Variants in TMEM120B observed in about 807,000 individuals in gnomAD.
TMEM120B encodes transmembrane protein 120B.
TMEM120B carries 31 observed loss-of-function variants against 55.5 expected under a neutral mutation model. That is an observed-to-expected ratio of 0.56 (90% CI 0.42 to 0.75). The LOEUF (loss-of-function observed/expected upper bound fraction) is 0.75. TMEM120B is among the 30% of genes least tolerant of loss of function. TMEM120B has a pLI of 0.00. For synonymous variants in TMEM120B, 203 were observed against 176.3 expected, an observed-to-expected ratio of 1.15 and a Z score of -1.20; for missense variants, 399 against 425.5, an observed-to-expected ratio of 0.94 and a Z score of 0.55.
intron 5 of TMEM120B, 80 bp downstream of exon 5, chr12:121,752,303 C>A: frequency 8.3e-7 from 1 of 1,209,120 alleles, no homozygotes; most frequent in South Asian, 1.3e-5. Flanking sequence ...TCCAGGGGAC[C>A]CGGAGCCTCT....
intron 1 of TMEM120B, among the ~76,000 whole-genome samples, chr12:121,741,898 C>CCT (rs1343069860): frequency 3.9e-5 from 6 of 152,066 alleles, no homozygotes; most frequent in African/African-American, 1.4e-4. Flanking sequence ...CTTTCATCTT[C>CCT]CTAGTGGGTG....
At chr12:121,736,959 A>T (rs960178828) in intron 1 of TMEM120B, among the ~76,000 whole-genome samples, 1 of 152,126 alleles carries the variant, frequency 6.6e-6, no homozygotes, top group East Asian at 1.9e-4. Context: ...TAAAGCTTCT[A>T]TATAGCATGG....
chr12:121,772,089 CTCTCTCTCTCTTTCTCTCTT>C (rs1874078686), intron 8 of TMEM120B, among the ~76,000 whole-genome samples: 1 of 91,336 alleles, frequency 1.1e-5, no homozygotes, highest in African/African-American at 5.2e-5. Flanking sequence ...TTCTCTTTCT[CTCTCTCTCTCTTTCTCTCTT>C]TCTCTCTCTC....
Position 121,779,558 on chromosome 12 carries a change from A to G in TMEM120B, c.*3836A>G. On this transcript the variant is annotated 3_prime_UTR_variant, in exon 12 of 12. Transcript: ENST00000449592. ...GTTGCGCCTTCTTCAGAGCGCTGAG[A>G]GCCACCTTGGCGGCCTCCCGGAAGA... 1 of 1,614,088 alleles carries G rather than the reference A, an allele frequency of 6.2e-7. No individual in the cohort carries two copies.
At chr12:121,773,369 T>C in intron 8 of TMEM120B, 52 bp from the exon 9 acceptor site, 2 of 1,532,166 alleles carry the variant, frequency 1.3e-6, no homozygotes, top group South Asian at 2.4e-5. Context: ...GGTGTGGCCC[T>C]GTCTTCCGGG....
chr12:121,762,596 G>A (rs751118624), intron 6 of TMEM120B, among the ~76,000 whole-genome samples: 16 of 152,164 alleles, frequency 1.1e-4, no homozygotes, highest in East Asian at 1.9e-4. Context: ...CCTGATAGCC[G>A]TCACTGGGAG....
At chr12:121,752,515 G>A (rs1378975552) in intron 5 of TMEM120B, among the ~76,000 whole-genome samples, 1 of 151,886 alleles carries the variant, frequency 6.6e-6, no homozygotes, top group African/African-American at 2.4e-5. Flanking sequence ...TACTTTGGGA[G>A]GCCGAGGCAG....
At chr12:121,730,496 C>G (rs546483861) in intron 1 of TMEM120B, among the ~76,000 whole-genome samples, 1 of 146,230 alleles carries the variant, frequency 6.8e-6, no homozygotes, top group Non-Finnish European at 1.5e-5. Flanking sequence ...AAAAAAAATA[C>G]AAAAATTAGC....
intron 5 of TMEM120B, chr12:121,758,335 GTACA>G (rs1873544917): frequency 2.0e-6 from 2 of 985,380 alleles, no homozygotes; most frequent in Non-Finnish European, 2.4e-6. Context: ...TGCTGACCAG[GTACA>G]GCATGCTCCA....
chr12:121,730,681 G>C (rs547948383), intron 1 of TMEM120B, among the ~76,000 whole-genome samples: 82 of 149,734 alleles, frequency 5.5e-4, no homozygotes, highest in African/African-American at 1.9e-3. Flanking sequence ...AAAAAAACCG[G>C]GCGCGGTGGC....
At chr12:121,724,736 G>A (rs1304184322) in intron 1 of TMEM120B, among the ~76,000 whole-genome samples, 2 of 151,282 alleles carry the variant, frequency 1.3e-5, no homozygotes, top group East Asian at 1.9e-4. Context: ...TCAGCCTCTC[G>A]AGTAGCTGGG....
chr12:121,748,520 C>A, intron 3 of TMEM120B, 78 bp downstream of exon 3: 3 of 952,298 alleles, frequency 3.2e-6, no homozygotes, highest in East Asian at 2.7e-5. Flanking sequence ...TAACTCTCGC[C>A]TTCCTGCTGG....
intron 1 of TMEM120B, among the ~76,000 whole-genome samples, chr12:121,730,703 A>G (rs1446274833): frequency 6.6e-6 from 1 of 151,020 alleles, no homozygotes; most frequent in African/African-American, 2.4e-5. Flanking sequence ...CACACCTGTA[A>G]TCCCAGCAGT....
At chr12:121,751,967 C>T (rs1321141992) in intron 4 of TMEM120B, among the ~76,000 whole-genome samples, 161 bp from the exon 5 acceptor site, 4 of 152,198 alleles carry the variant, frequency 2.6e-5, no homozygotes, top group Admixed American at 6.5e-5. Flanking sequence ...TTGGTCACCA[C>T]TAACCCGTCA....
intron 1 of TMEM120B, among the ~76,000 whole-genome samples, chr12:121,737,461 T>A (rs374750093): frequency 6.6e-6 from 1 of 151,494 alleles, no homozygotes. Flanking sequence ...GCCGAGATTG[T>A]GCCACTGCAC....
chr12:121,728,330 A>C (rs994752798), intron 1 of TMEM120B, among the ~76,000 whole-genome samples: 7 of 151,946 alleles, frequency 4.6e-5, no homozygotes, highest in African/African-American at 1.7e-4. Flanking sequence ...TCTACTAAAA[A>C]TACAAAAAAT....
At chr12:121,746,996 A>G (rs1361753779) in intron 2 of TMEM120B, among the ~76,000 whole-genome samples, 3 of 152,082 alleles carry the variant, frequency 2.0e-5, no homozygotes, top group African/African-American at 7.2e-5. Flanking sequence ...GAGAAGAAAA[A>G]TAGTATTGTC....
intron 1 of TMEM120B, among the ~76,000 whole-genome samples, chr12:121,725,370 G>A (rs925530): frequency 0.41 from 62,244 of 151,936 alleles, 13,313 homozygotes; most frequent in African/African-American, 0.54. Context: ...AGGGTCTCCC[G>A]TGTTCTAATC....
chr12:121,741,630 T>A (rs923967340), intron 1 of TMEM120B, among the ~76,000 whole-genome samples: 1 of 151,636 alleles, frequency 6.6e-6, no homozygotes, highest in African/African-American at 2.4e-5. Flanking sequence ...CGCCTGAAAT[T>A]ATTATTATTA....
Sources: allele counts gnomAD v4.1 joint callset (sites outside exome capture counted in the v4.1 genomes callset), GRCh38; gene constraint gnomAD v4.1.1; transcripts MANE v1.5; gene names NCBI Gene and HGNC (gene_info 2026-07-23, HGNC 2026-07-21).